RRM2B: variants seen among roughly 807,000 people sequenced by gnomAD.
RRM2B encodes the protein ribonucleoside-diphosphate reductase subunit M2 B.
Under a neutral mutation model 45.9 loss-of-function variants are expected in RRM2B, and 20 were observed. The ratio of observed to expected loss-of-function variants is 0.44; its 90% CI spans 0.31 to 0.63. The LOEUF (loss-of-function observed/expected upper bound fraction) is 0.63, where lower values mean the gene tolerates loss of function less well. RRM2B is among the 30% of genes least tolerant of loss of function. The pLI is 0.09. For missense variants in RRM2B, 320 were observed against 414.7 expected, an observed-to-expected ratio of 0.77 and a Z score of 1.98; for synonymous variants, 124 against 132.3, an observed-to-expected ratio of 0.94 and a Z score of 0.43.
chr8:102,214,141 A>G lies in RRM2B; in HGVS notation c.702T>C (p.Phe234=). The part of the protein sequence containing the change: ...ISRDEGLHCD[F]ACLMFQYLVN... Reference sequence around the variant, plus strand: ...CTAAGTATTGGAACATCAGGCAAGCAAAGTCACAGTGAAGTCCCTAAAAGG... The same window carrying G: ...CTAAGTATTGGAACATCAGGCAAGCGAAGTCACAGTGAAGTCCCTAAAAGG... Residue 234 remains phenylalanine (F), a synonymous_variant, in exon 7 of 9, where the codon TTT becomes TTC. Coordinates refer to ENST00000251810, the MANE Select transcript of RRM2B (RefSeq NM_015713.5). 6.2e-7 allele frequency: 1 copy of G among 1,612,886 alleles called. No homozygotes were observed. The highest frequency in any genetic ancestry group is 8.5e-7 in the Non-Finnish European group (1 of 1,179,100).
chr8:102,214,716 A>C (rs907820917), intron 6 of RRM2B, among the ~76,000 whole-genome samples: 1 of 151,178 alleles, frequency 6.6e-6, no homozygotes, highest in Non-Finnish European at 1.5e-5. Flanking sequence ...CAGGAGTTCA[A>C]GACCAGCCTG....
At chr8:102,233,229 C>T (rs980503907) in intron 1 of RRM2B, among the ~76,000 whole-genome samples, 1 of 152,158 alleles carries the variant, frequency 6.6e-6, no homozygotes, top group Non-Finnish European at 1.5e-5. Context: ...ATTGTCACCT[C>T]GCCAAAGCAA....
Position 102,224,922 on chromosome 8 carries a change from A to G in RRM2B, c.418T>C (p.Leu140=), listed in dbSNP as rs758937385. Residue 140 remains leucine, a synonymous_variant, in exon 4 of 9, where the codon TTG becomes CTG. Transcript: ENST00000251810. ...TCTCTGATGTAAGTGTCTATCAGCAAACTGTACATCTCTGAGTGAACATTC... is the reference window on the plus strand; with the variant it reads ...TCTCTGATGTAAGTGTCTATCAGCAGACTGTACATCTCTGAGTGAACATTC... ...IENVHSEMYS[L]LIDTYIRDPK... The G allele has an allele frequency of 6.2e-7, 1 of 1,613,982 alleles. No homozygotes were observed. The highest frequency in any genetic ancestry group is 1.3e-5 in the African/African-American group (1 of 74,946).
rs1407578243 is a variant in RRM2B at position 102,205,243 on chromosome 8, T to C, written c.*2890A>G. 1 of 152,212 alleles carries C rather than the reference T, an allele frequency of 6.6e-6. No individual in the cohort carries two copies. The highest frequency in any genetic ancestry group is 1.5e-5 in the Non-Finnish European group (1 of 68,016). The allele number at this position is 152,212 out of a possible 1,614,324, so 9.4% of individuals were successfully genotyped here. A position where few individuals can be genotyped will look rare whatever the true frequency, so the allele number is the denominator to read the frequency against. ...AGTATCTACAAATGAAATTTGGGAA[T>C]TCTATGACAGTGATGTTAGCATATT... On this transcript the variant is annotated 3_prime_UTR_variant, in exon 9 of 9. Transcript: ENST00000251810.
chr8:102,222,634 C>T (rs1478816956), intron 5 of RRM2B, among the ~76,000 whole-genome samples: 3 of 152,074 alleles, frequency 2.0e-5, no homozygotes, highest in African/African-American at 4.8e-5. Context: ...ATGACATATC[C>T]GTAATAATCT....
At position 102,205,721 on chromosome 8, in the gene RRM2B, C is replaced by A. The variant is rs1810532217; in HGVS notation, c.*2412G>T. ...ACACACTCTTAATTTTTTTCTTTAT[C>A]TGCAAGATAATATTTTTAAAAGATT... On this transcript the variant is annotated 3_prime_UTR_variant, in exon 9 of 9. Transcript: ENST00000251810. 6.6e-6 allele frequency: 1 copy of A among 152,048 alleles called. No individual in the cohort carries two copies. The highest frequency in any genetic ancestry group is 1.5e-5 in the Non-Finnish European group (1 of 67,944). The allele number at this position is 152,048 out of a possible 1,614,324, so 9.4% of individuals were successfully genotyped here.
rs1810535967 is a variant in RRM2B, at chr8:102,205,846, T to C, written c.*2287A>G. 6.6e-6 allele frequency: 1 copy of C among 152,072 alleles called. No individual in the cohort carries two copies. The highest frequency in any genetic ancestry group is 1.5e-5 in the Non-Finnish European group (1 of 67,960). 9.4% of individuals were successfully genotyped at this position (152,072 alleles called of 1,614,324 possible). A position where few individuals can be genotyped will look rare whatever the true frequency, so the allele number is the denominator to read the frequency against. The stretch of plus-strand genomic sequence containing the variant: ...CTGGAAAAAGAGATAGAATACCAAA[T>C]AACAAACCAGTGCATTAAAAATCCA... On this transcript the variant is annotated 3_prime_UTR_variant, in exon 9 of 9. Transcript: ENST00000251810.
intron 1 of RRM2B, chr8:102,238,560 C>G (rs1811166302): frequency 6.6e-7 from 1 of 1,516,690 alleles, no homozygotes; most frequent in Non-Finnish European, 8.8e-7. Flanking sequence ...AAGTCTCACC[C>G]CGGCCTGAGG....
intron 6 of RRM2B, 41 bp downstream of exon 6, chr8:102,218,773 T>G: frequency 7.1e-7 from 1 of 1,407,926 alleles, no homozygotes; most frequent in South Asian, 1.2e-5. Context: ...GAACATCAAA[T>G]ATGAATACAA....
At chr8:102,222,462 G>A (rs890604242) in intron 5 of RRM2B, among the ~76,000 whole-genome samples, 5 of 152,110 alleles carry the variant, frequency 3.3e-5, no homozygotes, top group African/African-American at 7.2e-5. Flanking sequence ...GCCCATATAC[G>A]CACTATATCA....
intron 2 of RRM2B, among the ~76,000 whole-genome samples, chr8:102,231,019 A>T (rs1811016990): frequency 6.6e-6 from 1 of 152,210 alleles, no homozygotes; most frequent in Non-Finnish European, 1.5e-5. Flanking sequence ...TTATAGAATT[A>T]ATGTCTTGAA....
intron 2 of RRM2B, among the ~76,000 whole-genome samples, chr8:102,228,814 C>T (rs538391261): frequency 6.6e-6 from 1 of 152,368 alleles, no homozygotes; most frequent in South Asian, 2.1e-4. Flanking sequence ...CCAGCATGCG[C>T]ATTCCAGTTC....
intron 1 of RRM2B, among the ~76,000 whole-genome samples, chr8:102,234,500 T>C (rs546866977): frequency 7.9e-5 from 12 of 152,152 alleles, no homozygotes; most frequent in African/African-American, 2.9e-4. Context: ...CTCTCCACAG[T>C]ACCCTCTGTG....
chr8:102,214,436 T>G, intron 6 of RRM2B: 1 of 365,198 alleles, frequency 2.7e-6, no homozygotes, highest in South Asian at 2.5e-5. Context: ...AATAAAAGCA[T>G]TTTGGAAAGG....
chr8:102,230,102 TG>T (rs1811002822), intron 2 of RRM2B, among the ~76,000 whole-genome samples: 1 of 152,192 alleles, frequency 6.6e-6, no homozygotes, highest in Non-Finnish European at 1.5e-5. Context: ...TTATCATAAC[TG>T]CCTGAGTGGC....
In RRM2B at chr8:102,214,231, T is replaced by C. The variant is rs979595921; in HGVS notation, c.685-73A>G. On this transcript the variant is annotated intron_variant, in intron 6 of 8. Transcript: ENST00000251810. The stretch of plus-strand genomic sequence containing the variant: ...TTTGCATATGGTGATGGGTCAAGCA[T>C]TGTATAAAGTGGTTCTAGGAATATA... The C allele has an allele frequency of 8.0e-6, 8 of 1,004,702 alleles. No individual in the cohort carries two copies. The African/African-American group carries it at 8.0e-5, about 10-fold the overall frequency. 62.2% of individuals were successfully genotyped at this position (1,004,702 alleles called of 1,614,324 possible). A position where few individuals can be genotyped will look rare whatever the true frequency, so the allele number is the denominator to read the frequency against.
intron 5 of RRM2B, among the ~76,000 whole-genome samples, chr8:102,223,572 G>C (rs1167149475): frequency 6.6e-6 from 1 of 151,932 alleles, no homozygotes; most frequent in East Asian, 1.9e-4. Flanking sequence ...GTAGGTGCCT[G>C]TAATCCCAGC....
Position 102,207,852 on chromosome 8 carries a change from TA to T in RRM2B, c.*280del. 2 of 310,606 alleles carry T rather than the reference TA, an allele frequency of 6.4e-6. No individual in the cohort carries two copies. The highest frequency in any genetic ancestry group is 1.2e-5 in the Non-Finnish European group (2 of 165,812). The allele number at this position is 310,606 out of a possible 1,614,324, so 19.2% of individuals were successfully genotyped here. ...ACTTGCCAAGGGTCACACACTGGAG[TA>T]AGGGCAGAACCTTAGACTCATGTCT... On this transcript the variant is annotated 3_prime_UTR_variant, in exon 9 of 9. Transcript: ENST00000251810.
intron 4 of RRM2B, among the ~76,000 whole-genome samples, chr8:102,224,382 G>A (rs564446114): frequency 3.9e-4 from 60 of 152,192 alleles, no homozygotes; most frequent in African/African-American, 1.4e-3. Flanking sequence ...CACTGTGTTA[G>A]CCAGGATGGT....
Sources: gnomAD v4.1 joint callset for allele counts (sites outside exome capture counted in the v4.1 genomes callset) on GRCh38, gnomAD v4.1.1 for gene constraint, MANE v1.5 for transcripts, NCBI Gene and HGNC (gene_info 2026-07-23, HGNC 2026-07-21) for gene names.